The following ROR2 variants were observed in gnomAD, a reference collection of about 807,000 sequenced individuals.
ROR2 encodes tyrosine-protein kinase transmembrane receptor ROR2.
Under a neutral mutation model 74.9 loss-of-function variants are expected in ROR2, and 33 were observed. The ratio of observed to expected loss-of-function variants is 0.44; its 90% CI spans 0.33 to 0.59. The LOEUF is 0.59. Ranked by LOEUF, ROR2 falls within the 20% of genes least tolerant of loss-of-function variation. The probability of loss-of-function intolerance (pLI) is 0.02; values close to 1 mark genes in which losing one functional copy is unlikely to be tolerated. For synonymous variants in ROR2, 586 were observed against 558.7 expected (o/e 1.05, Z -0.69); for missense variants, 1,216 against 1,313.8 (o/e 0.93, Z 1.15).
chr9:91,931,920 C>G (rs1831559186), intron 1 of ROR2, among the ~76,000 whole-genome samples: 1 of 152,068 alleles, frequency 6.6e-6, no homozygotes, highest in African/African-American at 2.4e-5. Flanking sequence ...GTGACACTAG[C>G]CAATAAAGTT....
intron 1 of ROR2, among the ~76,000 whole-genome samples, chr9:91,795,714 GCAT>G (rs1827146690): frequency 6.6e-6 from 1 of 152,190 alleles, no homozygotes; most frequent in East Asian, 1.9e-4. Context: ...ATCAATCATG[GCAT>G]CATGTCATGG....
intron 4 of ROR2, among the ~76,000 whole-genome samples, chr9:91,755,556 T>A (rs536366709): frequency 6.6e-6 from 1 of 152,102 alleles, no homozygotes; most frequent in African/African-American, 2.4e-5. Flanking sequence ...GAGGCCTGAG[T>A]TCAAAGCCAC....
chr9:91,874,877 G>T (rs1384790251), intron 1 of ROR2, among the ~76,000 whole-genome samples: 1 of 151,816 alleles, frequency 6.6e-6, no homozygotes, highest in East Asian at 1.9e-4. Context: ...GGAGGTTGCA[G>T]TGAGCTGAGA....
intron 1 of ROR2, among the ~76,000 whole-genome samples, chr9:91,831,357 G>T (rs1409897452): frequency 6.6e-6 from 1 of 151,982 alleles, no homozygotes. Flanking sequence ...GTCATGTTTT[G>T]GGCTGAGAGG....
rs149092500 is a variant in ROR2, at chr9:91,769,626, C to T, written c.175+6115G>A. On this transcript the variant is annotated intron_variant, in intron 2 of 8. Coordinates refer to ENST00000375708, the MANE Select transcript of ROR2 (RefSeq NM_004560.4). The stretch of plus-strand genomic sequence containing the variant: ...CTACGTTCCCTTCCTCTCCCACGCC[C>T]GCCTCCTGCCTGGAGCATCCTGAGC... Among the ~76,000 whole-genome samples the T allele has an allele frequency of 2.7e-3, 416 of 152,192 alleles. 4 individuals carry two copies. Among genetic ancestry groups the T allele is most frequent in the African/African-American group, 9.6e-3 (400 of 41,548 alleles).
At chr9:91,784,111 C>CA (rs1295947496) in intron 1 of ROR2, among the ~76,000 whole-genome samples, 2 of 152,168 alleles carry the variant, frequency 1.3e-5, no homozygotes, top group African/African-American at 4.8e-5. Flanking sequence ...GACCTGTCCA[C>CA]ACCACAGCCC....
intron 1 of ROR2, among the ~76,000 whole-genome samples, chr9:91,785,370 C>G (rs934994691): frequency 6.6e-6 from 1 of 152,248 alleles, no homozygotes; most frequent in Non-Finnish European, 1.5e-5. Flanking sequence ...TAGCCCTACT[C>G]TCAGACTGCT....
chr9:91,826,067 G>A (rs1828279767), intron 1 of ROR2, among the ~76,000 whole-genome samples: 1 of 152,250 alleles, frequency 6.6e-6, no homozygotes, highest in African/African-American at 2.4e-5. Context: ...TATGTTGTAC[G>A]TATCCTGTGG....
chr9:91,786,392 T>C (rs1429428258), intron 1 of ROR2, among the ~76,000 whole-genome samples: 1 of 151,712 alleles, frequency 6.6e-6, no homozygotes, highest in Non-Finnish European at 1.5e-5. Context: ...ATGGGCAATA[T>C]ACTAGAGAAT....
At chr9:91,801,458 G>A (rs753204997) in intron 1 of ROR2, among the ~76,000 whole-genome samples, 6 of 152,050 alleles carry the variant, frequency 3.9e-5, no homozygotes, top group Non-Finnish European at 8.8e-5. Context: ...TCAGCCTACC[G>A]AACAGCTGGG....
At chr9:91,907,970 T>C (rs991634085) in intron 1 of ROR2, among the ~76,000 whole-genome samples, 1 of 152,218 alleles carries the variant, frequency 6.6e-6, no homozygotes, top group Non-Finnish European at 1.5e-5. Context: ...GGTGACTATC[T>C]GGTCTTCAGG....
intron 1 of ROR2, among the ~76,000 whole-genome samples, chr9:91,873,354 G>A (rs931362058): frequency 9.2e-5 from 14 of 152,190 alleles, no homozygotes. Context: ...TTGGGAGGCT[G>A]AGGCGGGTGG....
intron 4 of ROR2, among the ~76,000 whole-genome samples, chr9:91,740,277 G>A (rs532768263): frequency 1.4e-4 from 22 of 152,176 alleles, no homozygotes; most frequent in African/African-American, 4.1e-4. Context: ...GGCTGGGCGC[G>A]GTGGCTCAAA....
intron 1 of ROR2, 69 bp downstream of exon 1, chr9:91,949,798 G>T (rs1169881551): frequency 3.0e-6 from 3 of 997,350 alleles, no homozygotes; most frequent in Non-Finnish European, 4.6e-6. Flanking sequence ...GAGCATAGTG[G>T]CGGCGGAAGG....
chr9:91,910,988 T>C (rs1830965486), intron 1 of ROR2, among the ~76,000 whole-genome samples: 2 of 152,196 alleles, frequency 1.3e-5, no homozygotes, highest in African/African-American at 4.8e-5. Context: ...TTTAATAATA[T>C]AGAATGATGG....
In ROR2 at chr9:91,735,181, A is replaced by G. The variant is rs538421891; in HGVS notation, c.623-1745T>C. 1.2e-3 allele frequency among the ~76,000 whole-genome samples: 184 copies of G among 152,310 alleles called. 1 individual carries two copies. The highest frequency in any genetic ancestry group is 2.2e-3 in the Non-Finnish European group (151 of 68,022). ...TGAGAATGTACTGCTTATTTCTGAA[A>G]GTGCAATTCTAGGCACAAAGAGATC... On this transcript the variant is annotated intron_variant, in intron 5 of 8. Transcript: ENST00000375708.
At chr9:91,806,454 T>G (rs1268701749) in intron 1 of ROR2, among the ~76,000 whole-genome samples, 8 of 152,158 alleles carry the variant, frequency 5.3e-5, no homozygotes, top group Admixed American at 5.2e-4. Context: ...TACCATCACC[T>G]TGGGGGTGAG....
intron 1 of ROR2, among the ~76,000 whole-genome samples, chr9:91,853,133 G>A (rs1024324788): frequency 6.6e-6 from 1 of 152,224 alleles, no homozygotes; most frequent in Non-Finnish European, 1.5e-5. Flanking sequence ...GGCATGAGGG[G>A]TCTGATCTAT....
intron 1 of ROR2, among the ~76,000 whole-genome samples, chr9:91,836,798 A>C (rs534934514): frequency 1.3e-5 from 2 of 152,316 alleles, no homozygotes; most frequent in East Asian, 3.9e-4. Context: ...TATGAATGGC[A>C]GCTCGCTCCT....
Sources: allele counts gnomAD v4.1 joint callset (sites outside exome capture counted in the v4.1 genomes callset), GRCh38; gene constraint gnomAD v4.1.1; transcripts MANE v1.5; gene names NCBI Gene and HGNC (gene_info 2026-07-23, HGNC 2026-07-21).